The following UBE3D variants were observed in gnomAD, a reference collection of about 807,000 sequenced individuals.
The protein encoded by UBE3D is ubiquitin protein ligase E3D, also known as E3 ubiquitin-protein ligase E3D.
UBE3D carries 48 observed loss-of-function variants against 49.6 expected under a neutral mutation model. The ratio of observed to expected loss-of-function variants is 0.97; its 90% CI spans 0.77 to 1.23. The LOEUF (loss-of-function observed/expected upper bound fraction) is 1.23. UBE3D is among the 50% of genes most tolerant of loss of function. UBE3D has a pLI of 0.00. For missense variants in UBE3D, 452 were observed against 468.4 expected (o/e 0.96, Z 0.32); for synonymous variants, 189 against 174.2 (o/e 1.08, Z -0.67).
chr6:83,059,495 A>G (rs1784028669), intron 1 of UBE3D, among the ~76,000 whole-genome samples: 1 of 152,204 alleles, frequency 6.6e-6, no homozygotes, highest in Admixed American at 6.5e-5. Flanking sequence ...CACTGCTCTA[A>G]AGATAACACA....
chr6:82,992,216 C>CTTTTTTTTTTTTTT (rs386407755), intron 8 of UBE3D, among the ~76,000 whole-genome samples: 1 of 96,748 alleles, frequency 1.0e-5, no homozygotes, highest in Non-Finnish European at 1.9e-5. Context: ...ATCTGCATTC[C>CTTTTTTTTTTTTTT]TTTTTTTTTT....
At chr6:83,039,481 A>G (rs927293250) in intron 4 of UBE3D, among the ~76,000 whole-genome samples, 7 of 152,246 alleles carry the variant, frequency 4.6e-5, no homozygotes, top group African/African-American at 1.7e-4. Context: ...AAGTGCTGCT[A>G]GATTCAGACA....
intron 8 of UBE3D, among the ~76,000 whole-genome samples, chr6:83,002,588 G>A (rs1324042564): frequency 1.3e-5 from 2 of 152,210 alleles, no homozygotes; most frequent in Non-Finnish European, 2.9e-5. Flanking sequence ...GGGAGGCTGA[G>A]GCAGGAGAAT....
Position 83,007,238 on chromosome 6 carries a change from T to C in UBE3D, c.1010+11735A>G, listed in dbSNP as rs574936010. Among the ~76,000 whole-genome samples the C allele has an allele frequency of 2.0e-5, 3 of 152,304 alleles. No homozygotes were observed. The East Asian group carries it at 5.8e-4, about 29-fold the overall frequency. Reference sequence around the variant, plus strand: ...ATAACATTTCATCATCATTTTTCCTTCAATATATTTTGTGAGAAAATATTA... The same window carrying C: ...ATAACATTTCATCATCATTTTTCCTCCAATATATTTTGTGAGAAAATATTA... On this transcript the variant is annotated intron_variant, in intron 8 of 9. Coordinates refer to ENST00000369747, the MANE Select transcript of UBE3D (RefSeq NM_198920.3).
At chr6:82,893,885 G>C (rs1771118358) in intron 9 of UBE3D, 1 of 152,134 alleles carries the variant, frequency 6.6e-6, no homozygotes, top group Non-Finnish European at 1.5e-5. Context: ...TAACTATTCT[G>C]TTAAAAGAAA....
At chr6:82,980,990 T>A (rs3120806) in intron 8 of UBE3D, among the ~76,000 whole-genome samples, 133,092 of 152,070 alleles carry the variant, frequency 0.88, 58,316 homozygotes, top group East Asian at 0.96. Context: ...TTACTATTCC[T>A]GTTGTTTTTA....
At chr6:82,885,346 T>C in the UBE3D span, among the ~76,000 whole-genome samples, 1 of 152,144 alleles carries the variant, frequency 6.6e-6, no homozygotes, top group Non-Finnish European at 1.5e-5. Context: ...TGCTTAAAAC[T>C]TCAGAAAATC....
intron 8 of UBE3D, among the ~76,000 whole-genome samples, chr6:82,999,451 C>G (rs886118011): frequency 1.3e-5 from 2 of 152,170 alleles, no homozygotes; most frequent in African/African-American, 4.8e-5. Context: ...GTGGCGCGAT[C>G]TAGGCTCATG....
At chr6:82,987,096 G>C (rs1185128497) in intron 8 of UBE3D, among the ~76,000 whole-genome samples, 2 of 151,924 alleles carry the variant, frequency 1.3e-5, no homozygotes, top group Non-Finnish European at 2.9e-5. Context: ...AGGTGCTACA[G>C]ATGTAGCCAG....
At chr6:83,034,661 T>A (rs1389776549) in intron 5 of UBE3D, among the ~76,000 whole-genome samples, 1 of 152,138 alleles carries the variant, frequency 6.6e-6, no homozygotes, top group Non-Finnish European at 1.5e-5. Flanking sequence ...TTCCCTGCTC[T>A]CTCTCTCCTG....
chr6:82,957,953 A>C (rs1776283005), intron 8 of UBE3D, among the ~76,000 whole-genome samples: 1 of 152,258 alleles, frequency 6.6e-6, no homozygotes, highest in South Asian at 2.1e-4. Context: ...TTTGTTAAAA[A>C]AAAAATCTTG....
In UBE3D at chr6:82,966,224, A is replaced by G. The variant is rs1253605236; in HGVS notation, c.1011-8774T>C. 2.0e-5 allele frequency among the ~76,000 whole-genome samples: 3 copies of G among 152,180 alleles called. No homozygotes were observed. The East Asian group carries it at 5.8e-4, about 29-fold the overall frequency. On this transcript the variant is annotated intron_variant, in intron 8 of 9. Coordinates refer to ENST00000369747, the MANE Select transcript of UBE3D (RefSeq NM_198920.3). ...AATAGGCAAATCCATAAAGACAGAA[A>G]GCAGATTAGGGGTTGTCAGGGGCTG...
intron 9 of UBE3D, among the ~76,000 whole-genome samples, chr6:82,939,670 G>T (rs948971577): frequency 1.3e-5 from 2 of 152,184 alleles, no homozygotes; most frequent in African/African-American, 2.4e-5. Context: ...GTAGTAGACT[G>T]TCCCAGCCCA....
intron 5 of UBE3D, among the ~76,000 whole-genome samples, chr6:83,025,279 A>G (rs182269418): frequency 3.9e-4 from 60 of 152,318 alleles, no homozygotes; most frequent in African/African-American, 1.4e-3. Context: ...CTATTGATAT[A>G]CAATTCTCAC....
At position 82,957,359 on chromosome 6, in the gene UBE3D, T is replaced by G; in HGVS notation, c.1102A>C (p.Ser368Arg). The G allele has an allele frequency of 6.2e-7, 1 of 1,614,120 alleles. No homozygotes were observed. Among genetic ancestry groups the G allele is most frequent in the Non-Finnish European group, 8.5e-7 (1 of 1,180,012 alleles). Residue 368 changes from serine (S) to arginine (R), a missense_variant, in exon 9 of 10, where the codon AGT becomes CGT. Coordinates refer to ENST00000369747, the MANE Select transcript of UBE3D (RefSeq NM_198920.3). ...CLELLLILSK[S>R]NANLPSSLRR... ...AGGGATGAAGGCAGATTGGCATTAC[T>G]CTTTGACAATATCAACAGCAGCTCC...
At chr6:82,915,077 G>C (rs1425672723) in intron 9 of UBE3D, among the ~76,000 whole-genome samples, 2 of 152,054 alleles carry the variant, frequency 1.3e-5, no homozygotes, top group Non-Finnish European at 2.9e-5. Flanking sequence ...ATAAAGAGTT[G>C]AGGGCATATT....
intron 9 of UBE3D, among the ~76,000 whole-genome samples, chr6:82,952,985 G>A (rs1775910459): frequency 6.6e-6 from 1 of 152,186 alleles, no homozygotes; most frequent in Non-Finnish European, 1.5e-5. Flanking sequence ...CAACCTGATT[G>A]CTTTTAAGGT....
intron 8 of UBE3D, among the ~76,000 whole-genome samples, chr6:82,980,570 T>C (rs1374448291): frequency 6.6e-6 from 1 of 152,070 alleles, no homozygotes; most frequent in African/African-American, 2.4e-5. Context: ...ACAAGCTTTT[T>C]AGTTTAATTA....
At chr6:83,009,533 A>C (rs1462022294) in intron 8 of UBE3D, among the ~76,000 whole-genome samples, 1 of 150,926 alleles carries the variant, frequency 6.6e-6, no homozygotes, top group Non-Finnish European at 1.5e-5. Context: ...CTTTGTTTTC[A>C]AAAACAGAAG....
Sources: allele counts gnomAD v4.1 joint callset (sites outside exome capture counted in the v4.1 genomes callset), GRCh38; gene constraint gnomAD v4.1.1; transcripts MANE v1.5; gene names NCBI Gene and HGNC (gene_info 2026-07-23, HGNC 2026-07-21).